LOC128462377: variants seen among roughly 807,000 people sequenced by gnomAD.
the LOC128462377 span, among the ~76,000 whole-genome samples, chr16:89,404,777 C>T: frequency 2.0e-5 from 3 of 152,366 alleles, no homozygotes; most frequent in South Asian, 2.1e-4. Flanking sequence ...ACGCCTACCT[C>T]GCAAGGTCAT....
At chr16:89,384,513 CGACATGGAACAGGATGGGAT>C in the LOC128462377 span, among the ~76,000 whole-genome samples, 1 of 146,574 alleles carries the variant, frequency 6.8e-6, no homozygotes, top group African/African-American at 2.6e-5. Flanking sequence ...CAGGATGGGA[CGACATGGAACAGGATGGGAT>C]GGGACTGGGA....
the LOC128462377 span, among the ~76,000 whole-genome samples, chr16:89,317,776 T>C: frequency 4.7e-3 from 720 of 152,312 alleles, 7 homozygotes; most frequent in African/African-American, 0.016. Context: ...TTATTAATCA[T>C]GTTTTATTTT....
the LOC128462377 span, among the ~76,000 whole-genome samples, chr16:89,387,400 C>T: frequency 6.6e-6 from 1 of 151,924 alleles, no homozygotes; most frequent in South Asian, 2.1e-4. Flanking sequence ...GGGCCGGGCG[C>T]GGTGGCTCAC....
the LOC128462377 span, among the ~76,000 whole-genome samples, chr16:89,332,834 C>G: frequency 2.8e-4 from 42 of 152,356 alleles, 1 homozygote; most frequent in South Asian, 8.7e-3. Context: ...CCCTTAGAAA[C>G]GTCCATTTCT....
the LOC128462377 span, among the ~76,000 whole-genome samples, chr16:89,369,720 C>T: frequency 1.0e-3 from 156 of 152,280 alleles, no homozygotes; most frequent in African/African-American, 3.7e-3. Flanking sequence ...ATCAACTGTA[C>T]AGAACTCAAT....
the LOC128462377 span, among the ~76,000 whole-genome samples, chr16:89,349,630 C>G: frequency 6.6e-6 from 1 of 152,058 alleles, no homozygotes; most frequent in African/African-American, 2.4e-5. Context: ...CTAACCTTAC[C>G]TTATGCCATA....
At chr16:89,373,382 A>C in the LOC128462377 span, 1 of 152,354 alleles carries the variant, frequency 6.6e-6, no homozygotes, top group African/African-American at 2.4e-5. Flanking sequence ...CTCAATTCCA[A>C]AACACACGCC....
the LOC128462377 span, among the ~76,000 whole-genome samples, chr16:89,381,727 G>T: frequency 5.2e-3 from 794 of 152,224 alleles, 28 homozygotes; most frequent in Admixed American, 0.041. Flanking sequence ...TCAGACTGGA[G>T]AATACCTGTC....
chr16:89,394,071 C>T, the LOC128462377 span, among the ~76,000 whole-genome samples: 2 of 152,190 alleles, frequency 1.3e-5, no homozygotes, highest in African/African-American at 4.8e-5. Flanking sequence ...TCCTCCCCGC[C>T]TCCCTAGCCC....
At chr16:89,380,376 T>G in the LOC128462377 span, among the ~76,000 whole-genome samples, 1 of 152,166 alleles carries the variant, frequency 6.6e-6, no homozygotes, top group Admixed American at 6.5e-5. Context: ...CCTCCCAAAG[T>G]GCTGGGATTA....
At chr16:89,396,479 A>G in the LOC128462377 span, among the ~76,000 whole-genome samples, 113 of 152,072 alleles carry the variant, frequency 7.4e-4, 4 homozygotes, top group South Asian at 0.022. Flanking sequence ...ATCAATGAAA[A>G]TCTCCATAAT....
the LOC128462377 span, among the ~76,000 whole-genome samples, chr16:89,393,805 C>T: frequency 6.6e-6 from 1 of 152,240 alleles, no homozygotes; most frequent in South Asian, 2.1e-4. Context: ...TCGCATGAAA[C>T]AGGCTCTAAG....
At chr16:89,361,159 C>A in the LOC128462377 span, among the ~76,000 whole-genome samples, 7 of 152,222 alleles carry the variant, frequency 4.6e-5, no homozygotes, top group Non-Finnish European at 1.0e-4. Flanking sequence ...TCCTGTAAGC[C>A]TGAAACCCTG....
At chr16:89,323,375 C>T in the LOC128462377 span, 1 of 1,281,574 alleles carries the variant, frequency 7.8e-7, no homozygotes, top group South Asian at 1.2e-5. Flanking sequence ...CTCTCACCAT[C>T]TCAGTGGGCA....
At chr16:89,413,993 C>A in the LOC128462377 span, among the ~76,000 whole-genome samples, 1 of 152,128 alleles carries the variant, frequency 6.6e-6, no homozygotes, top group African/African-American at 2.4e-5. Flanking sequence ...TCGGCTCTGG[C>A]TGAGCTGACT....
the LOC128462377 span, among the ~76,000 whole-genome samples, chr16:89,339,091 G>C: frequency 6.6e-6 from 1 of 152,094 alleles, no homozygotes; most frequent in Admixed American, 6.6e-5. Flanking sequence ...ACCGCTGATG[G>C]GTGAGCGTTG....
chr16:89,413,497 C>T, the LOC128462377 span, among the ~76,000 whole-genome samples: 2 of 152,090 alleles, frequency 1.3e-5, no homozygotes, highest in African/African-American at 4.8e-5. Context: ...TGGTGGCGGG[C>T]ACCTATAGTC....
At chr16:89,337,093 G>C in the LOC128462377 span, among the ~76,000 whole-genome samples, 1 of 151,734 alleles carries the variant, frequency 6.6e-6, no homozygotes, top group Non-Finnish European at 1.5e-5. Flanking sequence ...GGCTGAGATG[G>C]GAGGATTGCT....
the LOC128462377 span, among the ~76,000 whole-genome samples, chr16:89,332,212 A>G: frequency 0.011 from 1,725 of 152,324 alleles, 35 homozygotes; most frequent in African/African-American, 0.039. Context: ...CGTATTAAAG[A>G]ATCCTCACAA....
Sources: allele counts gnomAD v4.1 joint callset (sites outside exome capture counted in the v4.1 genomes callset), GRCh38; gene constraint gnomAD v4.1.1; transcripts MANE v1.5.